The following OR52N4 variants were observed in gnomAD, a reference collection of about 807,000 sequenced individuals.
The protein encoded by OR52N4 is olfactory receptor 52N4.
OR52N4 carries 15 observed loss-of-function variants against 15.0 expected under a neutral mutation model. The observed-to-expected ratio is 1.00, with a 90% CI of 0.67 to 1.54. The LOEUF (loss-of-function observed/expected upper bound fraction) is 1.54. Ranked by LOEUF, OR52N4 falls within the 40% of genes most tolerant of loss-of-function variation. OR52N4 has a pLI of 0.00. For synonymous variants in OR52N4, 143 were observed against 143.7 expected, an observed-to-expected ratio of 1.00 and a Z score of 0.03; for missense variants, 421 against 394.0, an observed-to-expected ratio of 1.07 and a Z score of -0.58.
chr11:5,741,076 T>C, the OR52N4 span, among the ~76,000 whole-genome samples: 1 of 65,758 alleles, frequency 1.5e-5, no homozygotes, highest in Non-Finnish European at 3.6e-5. Flanking sequence ...AAGAAGTTTA[T>C]GCAGGAAGAT....
chr11:5,735,470 T>C, the OR52N4 span, among the ~76,000 whole-genome samples: 1 of 152,022 alleles, frequency 6.6e-6, no homozygotes, highest in Middle Eastern at 3.2e-3. Context: ...TACCAGTGTC[T>C]GAAAGATCAG....
the OR52N4 span, chr11:5,737,074 C>T: frequency 1.2e-6 from 2 of 1,614,102 alleles, no homozygotes; most frequent in Non-Finnish European, 1.7e-6. Context: ...TTGAACACTG[C>T]CTGTGCTCTA....
At chr11:5,737,500 T>C in the OR52N4 span, 1 of 1,598,612 alleles carries the variant, frequency 6.3e-7, no homozygotes, top group African/African-American at 1.3e-5. Flanking sequence ...AGAGACCTTC[T>C]CCATGATGTA....
the OR52N4 span, among the ~76,000 whole-genome samples, chr11:5,738,786 T>C: frequency 6.6e-6 from 1 of 152,008 alleles, no homozygotes; most frequent in African/African-American, 2.4e-5. Context: ...TAAATAGTCC[T>C]AAACAATGAA....
the OR52N4 span, among the ~76,000 whole-genome samples, chr11:5,730,436 C>T: frequency 6.6e-6 from 1 of 151,852 alleles, no homozygotes; most frequent in Non-Finnish European, 1.5e-5. Context: ...CGTGATCCGC[C>T]CGCCTCAGCC....
the OR52N4 span, chr11:5,738,627 A>G: frequency 6.6e-6 from 1 of 151,864 alleles, no homozygotes; most frequent in Non-Finnish European, 1.5e-5. Flanking sequence ...CTCATCCACT[A>G]CTACTACCAC....
chr11:5,748,266 T>C, the OR52N4 span, among the ~76,000 whole-genome samples: 1 of 152,026 alleles, frequency 6.6e-6, no homozygotes, highest in South Asian at 2.1e-4. Flanking sequence ...ATCTATACCA[T>C]AACTTCAAGT....
chr11:5,734,374 T>C, the OR52N4 span: 1 of 327,038 alleles, frequency 3.1e-6, no homozygotes, highest in Non-Finnish European at 6.0e-6. Context: ...TATAGAGGAT[T>C]AGAGGGCCTT....
chr11:5,735,628 A>C, the OR52N4 span, among the ~76,000 whole-genome samples: 1 of 152,242 alleles, frequency 6.6e-6, no homozygotes, highest in East Asian at 1.9e-4. Context: ...CAGTAAGGGA[A>C]GGTTAGTTTT....
the OR52N4 span, chr11:5,736,951 C>T: frequency 4.3e-6 from 7 of 1,614,088 alleles, no homozygotes; most frequent in Non-Finnish European, 1.7e-6. Context: ...CATCAATTGT[C>T]ACCAGTTCCT....
In OR52N4 at chr11:5,754,737, TATC is replaced by T. The variant is rs374373349; in HGVS notation, c.-1_2del. ...GAGCTATTTCATAACCTACCAGACT[TATC>T]ATGCTAACACTGAATAAAACAGACC... is the stretch of plus-strand genomic sequence containing the variant. On this transcript the variant is annotated 5_prime_UTR_variant, in exon 2 of 2. Transcript: ENST00000641350. 905 of 1,606,888 alleles carry T rather than the reference TATC, an allele frequency of 5.6e-4. 9 individuals are homozygous for T. The East Asian group carries it at 0.015, about 27-fold the overall frequency.
upstream of OR52N4, among the ~76,000 whole-genome samples, chr11:5,750,482 A>C (rs949219156): frequency 3.3e-5 from 5 of 152,020 alleles, no homozygotes; most frequent in African/African-American, 1.2e-4. Flanking sequence ...CATCACATTT[A>C]ATAAGACACT....
the OR52N4 span, among the ~76,000 whole-genome samples, chr11:5,734,575 T>C: frequency 6.6e-6 from 1 of 152,130 alleles, no homozygotes. Context: ...AAAACAATTC[T>C]TTTTCTGTGA....
chr11:5,736,703 T>TGAG, the OR52N4 span: 8 of 1,613,890 alleles, frequency 5.0e-6, no homozygotes, highest in South Asian at 6.6e-5. Context: ...GCAGAACCCT[T>TGAG]CTTTACAGCA....
chr11:5,736,634 CT>C, the OR52N4 span: 5 of 1,614,050 alleles, frequency 3.1e-6, no homozygotes, highest in Non-Finnish European at 2.5e-6. Flanking sequence ...ATCTCTGCCC[CT>C]GGCACTACTG....
chr11:5,741,922 A>T, the OR52N4 span, among the ~76,000 whole-genome samples: 120,078 of 151,920 alleles, frequency 0.79, 48,068 homozygotes, highest in Non-Finnish European at 0.86. Context: ...ATCACAAGAA[A>T]GCAGGAATGG....
rs764640682 is a variant in OR52N4, at chr11:5,755,225, C to T, written c.485C>T (p.Thr162Ile). 3.9e-5 allele frequency: 63 copies of T among 1,613,880 alleles called. No homozygotes were observed. ...LRGVLLIIPF[T>I]FLTKLLPYCR... is the part of the protein sequence containing the mutation. ...GGGGTATTACTCATTATTCCCTTTA[C>T]TTTCCTCACCAAGCTCCTGCCCTAC... The change falls in exon 2 of 2, where the codon ACT becomes ATT. Residue 162 changes from threonine to isoleucine, a missense_variant. Physicochemically the swap from Thr to Ile is moderately conservative, Grantham distance 89. Transcript: ENST00000641350.
Position 5,754,894 on chromosome 11 carries a change from C to T in OR52N4, c.154C>T (p.His52Tyr), listed in dbSNP as rs1000198692. ...GAATTGTGGACTCCTCTACCTCATT[C>T]ACTATGAGGATGCCCTGCACAAACC... ...VGNCGLLYLI[H>Y]YEDALHKPMY... Residue 52 changes from histidine (H) to tyrosine (Y), a missense_variant, in exon 2 of 2, where the codon CAC (histidine) becomes TAC (tyrosine). Transcript: ENST00000641350. The T allele has an allele frequency of 5.6e-6, 9 of 1,613,510 alleles. No homozygotes were observed. The Admixed American group carries it at 8.3e-5, about 15-fold the overall frequency.
the OR52N4 span, among the ~76,000 whole-genome samples, chr11:5,741,857 T>G: frequency 6.6e-6 from 1 of 152,092 alleles, no homozygotes; most frequent in Non-Finnish European, 1.5e-5. Flanking sequence ...ATGGAAATGG[T>G]GTCCTTAAGA....
Sources: gnomAD v4.1 joint callset for allele counts (sites outside exome capture counted in the v4.1 genomes callset) on GRCh38, gnomAD v4.1.1 for gene constraint, MANE v1.5 for transcripts, NCBI Gene and HGNC (gene_info 2026-07-23, HGNC 2026-07-21) for gene names.